The following PRKAR1B variants were observed in gnomAD, a reference collection of about 807,000 sequenced individuals.
The protein encoded by PRKAR1B is cAMP-dependent protein kinase type I-beta regulatory subunit.
PRKAR1B carries 22 observed loss-of-function variants against 46.5 expected under a neutral mutation model. The observed-to-expected ratio is 0.47, with a 90% CI of 0.34 to 0.68. PRKAR1B has a LOEUF of 0.68. Ranked by LOEUF, PRKAR1B falls within the 30% of genes least tolerant of loss-of-function variation. PRKAR1B has a pLI of 0.01. For synonymous variants in PRKAR1B, 259 were observed against 217.7 expected (o/e 1.19, Z -1.67); for missense variants, 445 against 535.6 (o/e 0.83, Z 1.67).
At chr7:710,579 G>A (rs1431480822) in intron 2 of PRKAR1B, among the ~76,000 whole-genome samples, 1 of 151,732 alleles carries the variant, frequency 6.6e-6, no homozygotes, top group Non-Finnish European at 1.5e-5. Flanking sequence ...ACTGCTGCAA[G>A]ATCAACGTGG....
At chr7:606,127 G>T in intron 6 of PRKAR1B, 66 bp downstream of exon 6, 1 of 1,522,614 alleles carries the variant, frequency 6.6e-7, no homozygotes, top group South Asian at 1.1e-5. Flanking sequence ...GCTGCCTGGA[G>T]GGCAAGTCTT....
chr7:598,636 C>T (rs970659411), intron 6 of PRKAR1B, among the ~76,000 whole-genome samples: 42 of 152,012 alleles, frequency 2.8e-4, no homozygotes, highest in Non-Finnish European at 5.1e-4. Flanking sequence ...CAGCACCCTC[C>T]GCACTAAACA....
intron 7 of PRKAR1B, among the ~76,000 whole-genome samples, chr7:589,994 G>T (rs1228868505): frequency 1.3e-5 from 2 of 152,240 alleles, no homozygotes; most frequent in Non-Finnish European, 2.9e-5. Context: ...CAATGGCACG[G>T]GGCCACTTTC....
chr7:693,980 C>T lies in PRKAR1B; in HGVS notation c.178-13254G>A, dbSNP rs115064630. On this transcript the variant is annotated intron_variant, in intron 2 of 10. Transcript: ENST00000537384. ...TTGGGTTTGGGATGTACTGCCTTTG[C>T]GATAACCGCGAGACCTGGACTCGGC... is the stretch of plus-strand genomic sequence containing the variant. Among the ~76,000 whole-genome samples, 212 of 152,268 alleles carry T rather than the reference C, an allele frequency of 1.4e-3. 1 individual carries two copies. Among genetic ancestry groups the T allele is most frequent in the African/African-American group, 4.7e-3 (194 of 41,558 alleles).
chr7:618,371 C>T (rs1169193534), intron 4 of PRKAR1B, among the ~76,000 whole-genome samples: 1 of 152,180 alleles, frequency 6.6e-6, no homozygotes, highest in African/African-American at 2.4e-5. Flanking sequence ...TCTTGTTTTG[C>T]CTATACATTT....
In PRKAR1B at chr7:727,059, C is replaced by T; in HGVS notation, c.-23+151G>A. On this transcript the variant is annotated intron_variant, in intron 1 of 10. Coordinates refer to ENST00000537384, the MANE Select transcript of PRKAR1B (RefSeq NM_001164760.2). Reference sequence around the variant, plus strand: ...GCCGCGCCGCGCGGCCCCGCGATGCCCTGCCGCGCCTGCTGCCCGCGCTCG... The same window carrying T: ...GCCGCGCCGCGCGGCCCCGCGATGCTCTGCCGCGCCTGCTGCCCGCGCTCG... The T allele has an allele frequency of 3.8e-6, 4 of 1,063,528 alleles. No individual in the cohort carries two copies. The highest frequency in any genetic ancestry group is 4.5e-6 in the Non-Finnish European group (4 of 882,696). The allele number at this position is 1,063,528 out of a possible 1,614,324, so 65.9% of individuals were successfully genotyped here. A position where few individuals can be genotyped will look rare whatever the true frequency, so the allele number is the denominator to read the frequency against.
At chr7:657,270 T>G (rs201999585) in intron 4 of PRKAR1B, among the ~76,000 whole-genome samples, 1 of 87,430 alleles carries the variant, frequency 1.1e-5, no homozygotes, top group Non-Finnish European at 2.8e-5. Flanking sequence ...GACGGACGGA[T>G]GGATGGATGG....
chr7:622,141 GAAACCTGCTGAAGC>G (rs1282241632), intron 4 of PRKAR1B, among the ~76,000 whole-genome samples: 1 of 152,218 alleles, frequency 6.6e-6, no homozygotes, highest in Non-Finnish European at 1.5e-5. Flanking sequence ...CCCATGCAAA[GAAACCTGCTGAAGC>G]AAACAGGTTC....
At chr7:699,061 G>A (rs369933129) in intron 2 of PRKAR1B, among the ~76,000 whole-genome samples, 5 of 152,190 alleles carry the variant, frequency 3.3e-5, no homozygotes, top group Admixed American at 2.6e-4. Context: ...AGAAGGGGGG[G>A]TTCCACCATC....
At chr7:580,681 A>C (rs1780121719) in intron 8 of PRKAR1B, among the ~76,000 whole-genome samples, 1 of 151,986 alleles carries the variant, frequency 6.6e-6, no homozygotes, top group Admixed American at 6.6e-5. Flanking sequence ...AAGGAAAAAA[A>C]ATTTACTAAC....
chr7:599,244 C>T (rs890449773), intron 6 of PRKAR1B, among the ~76,000 whole-genome samples: 1 of 152,184 alleles, frequency 6.6e-6, no homozygotes, highest in Non-Finnish European at 1.5e-5. Context: ...GCGGGCCCCA[C>T]CCCAGCTGGT....
intron 9 of PRKAR1B, among the ~76,000 whole-genome samples, chr7:578,426 C>G (rs1325040344): frequency 6.6e-6 from 1 of 152,230 alleles, no homozygotes; most frequent in Non-Finnish European, 1.5e-5. Context: ...GATAGAGAAG[C>G]TGCCACCGTC....
rs111580995 is a variant in PRKAR1B at position 591,552 on chromosome 7, G to T, written c.708+4594C>A. The stretch of plus-strand genomic sequence containing the variant: ...TACACACAGAAAGCCTGGAAAACTG[G>T]AGCGTTGATAACGGCTGCCAGGTGC... On this transcript the variant is annotated intron_variant, in intron 7 of 10. Coordinates refer to ENST00000537384, the MANE Select transcript of PRKAR1B (RefSeq NM_001164760.2). Among the ~76,000 whole-genome samples the T allele has an allele frequency of 1.2e-3, 186 of 152,328 alleles. 1 individual carries two copies. Among genetic ancestry groups the T allele is most frequent in the African/African-American group, 4.3e-3 (179 of 41,568 alleles).
intron 2 of PRKAR1B, among the ~76,000 whole-genome samples, chr7:699,973 G>A (rs533168229): frequency 9.8e-5 from 15 of 152,312 alleles, no homozygotes; most frequent in Admixed American, 6.5e-4. Context: ...AGGGGACAGC[G>A]GCGTGGGCGG....
intron 4 of PRKAR1B, among the ~76,000 whole-genome samples, chr7:643,189 A>G (rs1784473778): frequency 1.3e-5 from 2 of 151,634 alleles, no homozygotes; most frequent in African/African-American, 4.9e-5. Context: ...TACTATATTC[A>G]GTCACTCTTT....
chr7:646,118 T>G (rs1205553766), intron 4 of PRKAR1B, among the ~76,000 whole-genome samples: 1 of 151,992 alleles, frequency 6.6e-6, no homozygotes, highest in African/African-American at 2.4e-5. Context: ...CAATCATAGC[T>G]CACTGAAACC....
intron 4 of PRKAR1B, among the ~76,000 whole-genome samples, chr7:671,719 C>A (rs561321377): frequency 5.9e-5 from 9 of 152,218 alleles, no homozygotes; most frequent in African/African-American, 2.2e-4. Context: ...TCCTGGCTAC[C>A]CTCCAAGTGA....
At chr7:597,776 C>CT (rs1165804641) in intron 6 of PRKAR1B, among the ~76,000 whole-genome samples, 1 of 152,108 alleles carries the variant, frequency 6.6e-6, no homozygotes, top group Non-Finnish European at 1.5e-5. Context: ...GGCGATGAAG[C>CT]TGGAGAGGGC....
intron 1 of PRKAR1B, among the ~76,000 whole-genome samples, chr7:721,899 A>T (rs1340175501): frequency 6.6e-6 from 1 of 152,000 alleles, no homozygotes; most frequent in Non-Finnish European, 1.5e-5. Flanking sequence ...CCTTCATTCA[A>T]ACTGGTGTTC....
Sources: gnomAD v4.1 joint callset for allele counts (sites outside exome capture counted in the v4.1 genomes callset) on GRCh38, gnomAD v4.1.1 for gene constraint, MANE v1.5 for transcripts, NCBI Gene and HGNC (gene_info 2026-07-23, HGNC 2026-07-21) for gene names.